The following ERBB4 variants were observed in gnomAD, a reference collection of about 807,000 sequenced individuals.
ERBB4 encodes erb-b2 receptor tyrosine kinase 4.
ERBB4 carries 42 observed loss-of-function variants against 158.0 expected under a neutral mutation model. The observed-to-expected ratio is 0.27, with a 90% CI of 0.21 to 0.34. ERBB4 has a LOEUF of 0.34. ERBB4 is among the 10% of genes least tolerant of loss of function. ERBB4 has a pLI of 1.00. For missense variants in ERBB4, 1,333 were observed against 1,624.1 expected (o/e 0.82, Z 3.08); for synonymous variants, 583 against 558.7 (o/e 1.04, Z -0.61).
At chr2:211,489,540 G>C (rs1430935748) in intron 20 of ERBB4, among the ~76,000 whole-genome samples, 2 of 151,904 alleles carry the variant, frequency 1.3e-5, no homozygotes, top group Non-Finnish European at 1.5e-5. Flanking sequence ...TGTATTAATA[G>C]CTATGTTCAT....
intron 1 of ERBB4, among the ~76,000 whole-genome samples, chr2:212,216,884 A>G (rs1360511932): frequency 6.6e-6 from 1 of 151,428 alleles, no homozygotes; most frequent in Non-Finnish European, 1.5e-5. Flanking sequence ...CAAGAGAGCA[A>G]GAGTACACTC....
intron 3 of ERBB4, among the ~76,000 whole-genome samples, chr2:211,830,124 C>A (rs1251315077): frequency 1.3e-5 from 2 of 152,168 alleles, no homozygotes. Context: ...CTTATCCACC[C>A]CCATATCCCA....
chr2:211,547,761 TAA>T, intron 20 of ERBB4, among the ~76,000 whole-genome samples: 1 of 145,670 alleles, frequency 6.9e-6, no homozygotes, highest in African/African-American at 2.5e-5. Context: ...ACTTTTCTGT[TAA>T]AAAAAAAAAG....
At chr2:212,463,833 C>T (rs1311799601) in intron 1 of ERBB4, among the ~76,000 whole-genome samples, 1 of 152,074 alleles carries the variant, frequency 6.6e-6, no homozygotes, top group South Asian at 2.1e-4. Flanking sequence ...ATTTAGGATA[C>T]ATGGAAAGAC....
chr2:212,077,333 G>A (rs2078305064), intron 2 of ERBB4, among the ~76,000 whole-genome samples: 1 of 151,800 alleles, frequency 6.6e-6, no homozygotes, highest in South Asian at 2.1e-4. Context: ...AAATAATTAT[G>A]GCAGTGTTAG....
chr2:211,974,370 A>T (rs1439729104), intron 2 of ERBB4, among the ~76,000 whole-genome samples: 1 of 152,202 alleles, frequency 6.6e-6, no homozygotes, highest in African/African-American at 2.4e-5. Flanking sequence ...AAAGAAGGGA[A>T]GGATGGAAGA....
intron 14 of ERBB4, among the ~76,000 whole-genome samples, chr2:211,668,061 C>T (rs1266446393): frequency 6.6e-6 from 1 of 152,092 alleles, no homozygotes; most frequent in Non-Finnish European, 1.5e-5. Flanking sequence ...GCCTTTTGCT[C>T]CTGGACTACA....
chr2:212,244,964 C>T (rs1340922284), intron 1 of ERBB4, among the ~76,000 whole-genome samples: 1 of 152,112 alleles, frequency 6.6e-6, no homozygotes, highest in African/African-American at 2.4e-5. Context: ...ACTATCATCT[C>T]CCTTTTATAG....
At chr2:212,383,948 C>G (rs1323843472) in intron 1 of ERBB4, among the ~76,000 whole-genome samples, 1 of 151,608 alleles carries the variant, frequency 6.6e-6, no homozygotes, top group Non-Finnish European at 1.5e-5. Context: ...TCATTGCTTG[C>G]TTGACATTTG....
At chr2:212,436,963 A>C (rs2092150812) in intron 1 of ERBB4, among the ~76,000 whole-genome samples, 1 of 151,998 alleles carries the variant, frequency 6.6e-6, no homozygotes, top group Non-Finnish European at 1.5e-5. Flanking sequence ...TGGGTTGGAG[A>C]CTAGGTAAAC....
At chr2:211,569,424 C>A (rs2067648443) in intron 19 of ERBB4, among the ~76,000 whole-genome samples, 1 of 152,166 alleles carries the variant, frequency 6.6e-6, no homozygotes, top group African/African-American at 2.4e-5. Flanking sequence ...AAATAATCTC[C>A]AGCCTCAGGA....
At chr2:211,985,495 T>C (rs1012596742) in intron 2 of ERBB4, among the ~76,000 whole-genome samples, 6 of 152,102 alleles carry the variant, frequency 3.9e-5, no homozygotes, top group Admixed American at 3.3e-4. Context: ...ATTGACCAAA[T>C]TGACCATCAG....
chr2:212,166,696 T>A (rs1284226843), intron 1 of ERBB4, among the ~76,000 whole-genome samples: 2 of 151,972 alleles, frequency 1.3e-5, no homozygotes, highest in African/African-American at 4.8e-5. Flanking sequence ...CAAACTATGC[T>A]ACAAGGCTAC....
chr2:212,016,877 A>C (rs1256153302), intron 2 of ERBB4, among the ~76,000 whole-genome samples: 1 of 152,124 alleles, frequency 6.6e-6, no homozygotes, highest in Non-Finnish European at 1.5e-5. Context: ...GGGGACTTAT[A>C]AAAAGAAAGA....
At position 211,570,274 on chromosome 2, in the gene ERBB4, C is replaced by A. The variant is rs565068884; in HGVS notation, c.2302-8186G>T. Among the ~76,000 whole-genome samples the A allele has an allele frequency of 9.3e-5, 14 of 151,274 alleles. No individual in the cohort carries two copies. The South Asian group carries it at 1.7e-3, about 18-fold the overall frequency. On this transcript the variant is annotated intron_variant, in intron 19 of 27. Coordinates refer to ENST00000342788, the MANE Select transcript of ERBB4 (RefSeq NM_005235.3). ...TCAAGCTATTCTCCTGCCTCAGCCT[C>A]CTGAGTAGATGTGATTACAGGCATC...
At chr2:212,161,900 T>G (rs578233032) in intron 1 of ERBB4, among the ~76,000 whole-genome samples, 4 of 151,998 alleles carry the variant, frequency 2.6e-5, no homozygotes, top group South Asian at 2.1e-4. Context: ...TATTAATCTT[T>G]GCTTCCATTT....
At chr2:212,288,018 T>G (rs1320042186) in intron 1 of ERBB4, among the ~76,000 whole-genome samples, 3 of 152,104 alleles carry the variant, frequency 2.0e-5, no homozygotes, top group Non-Finnish European at 4.4e-5. Context: ...AAAGTTTACC[T>G]GTGTAACAAA....
At chr2:212,172,206 T>C (rs565001476) in intron 1 of ERBB4, among the ~76,000 whole-genome samples, 18 of 152,254 alleles carry the variant, frequency 1.2e-4, no homozygotes, top group African/African-American at 4.3e-4. Context: ...GTCAAAACTG[T>C]AATGAGATAC....
At chr2:211,501,810 T>C (rs1170807254) in intron 20 of ERBB4, among the ~76,000 whole-genome samples, 2 of 152,266 alleles carry the variant, frequency 1.3e-5, no homozygotes, top group Admixed American at 6.5e-5. Context: ...ACATTTTATA[T>C]TGTTAATTCA....
Sources: allele counts gnomAD v4.1 joint callset (sites outside exome capture counted in the v4.1 genomes callset), GRCh38; gene constraint gnomAD v4.1.1; transcripts MANE v1.5; gene names NCBI Gene and HGNC (gene_info 2026-07-23, HGNC 2026-07-21).